SIK3: variants seen among roughly 807,000 people sequenced by gnomAD.
SIK3 encodes SIK family kinase 3, also known as serine/threonine-protein kinase SIK3.
SIK3 carries 28 observed loss-of-function variants against 144.2 expected under a neutral mutation model. The observed-to-expected ratio is 0.19, with a 90% CI of 0.14 to 0.27. The LOEUF (loss-of-function observed/expected upper bound fraction) is 0.27, where lower values mean the gene tolerates loss of function less well. SIK3 is among the 10% of genes least tolerant of loss of function. SIK3 has a pLI of 1.00. For missense variants in SIK3, 1,319 were observed against 1,776.0 expected (o/e 0.74, Z 4.62); for synonymous variants, 686 against 676.3 (o/e 1.01, Z -0.22).
chr11:116,853,329 C>A (rs1162258376), intron 21 of SIK3, among the ~76,000 whole-genome samples: 1 of 152,164 alleles, frequency 6.6e-6, no homozygotes, highest in African/African-American at 2.4e-5. Flanking sequence ...CATTCAGGAT[C>A]AAATCTTTGG....
At chr11:116,956,592 AAATTC>A (rs1001450120) in intron 2 of SIK3, among the ~76,000 whole-genome samples, 9 of 152,296 alleles carry the variant, frequency 5.9e-5, no homozygotes, top group African/African-American at 2.2e-4. Context: ...TCACCTCTCT[AAATTC>A]TCTTCTTTTT....
rs532042983 is a variant in SIK3 at position 116,871,408 on chromosome 11, G to A, written c.1738-1007C>T. ...GAACAGGGTGAGGCAGGAAGTGGCT[G>A]TAGATGAGGCAGGAGAGGAACGCTG... On this transcript the variant is annotated intron_variant, in intron 13 of 24. Coordinates refer to ENST00000445177, the MANE Select transcript of SIK3 (RefSeq NM_001366686.3). Among the ~76,000 whole-genome samples the A allele has an allele frequency of 3.9e-5, 6 of 152,376 alleles. No individual in the cohort carries two copies. The East Asian group carries it at 1.2e-3, about 29-fold the overall frequency.
intron 6 of SIK3, among the ~76,000 whole-genome samples, chr11:116,889,106 C>T (rs1306310610): frequency 6.6e-6 from 1 of 152,172 alleles, no homozygotes; most frequent in Non-Finnish European, 1.5e-5. Flanking sequence ...AAAACAAACA[C>T]TAAATTTGAA....
chr11:116,871,430 G>A (rs954033383), intron 13 of SIK3, among the ~76,000 whole-genome samples: 7 of 152,362 alleles, frequency 4.6e-5, no homozygotes, highest in Admixed American at 2.6e-4. Context: ...GGAGAGGAAC[G>A]CTGTGGCCAG....
intron 4 of SIK3, among the ~76,000 whole-genome samples, chr11:116,905,276 A>G (rs960065689): frequency 6.6e-6 from 1 of 152,246 alleles, no homozygotes; most frequent in Non-Finnish European, 1.5e-5. Flanking sequence ...GTTGTTGCCT[A>G]TGTCAGCACT....
chr11:116,890,707 AT>A (rs950412714), intron 6 of SIK3, among the ~76,000 whole-genome samples: 4 of 152,072 alleles, frequency 2.6e-5, no homozygotes, highest in African/African-American at 9.7e-5. Flanking sequence ...ATCCAATCTA[AT>A]TTTTTTTATT....
chr11:116,902,493 G>A (rs1945789289), intron 4 of SIK3, among the ~76,000 whole-genome samples: 2 of 152,168 alleles, frequency 1.3e-5, no homozygotes, highest in South Asian at 4.1e-4. Flanking sequence ...ATGAGTGTAT[G>A]AGAATGAATG....
chr11:117,088,387 C>A (rs925896594), intron 1 of SIK3, among the ~76,000 whole-genome samples: 1 of 152,128 alleles, frequency 6.6e-6, no homozygotes, highest in African/African-American at 2.4e-5. Context: ...TCTCCTTACT[C>A]GGAGATTTGT....
chr11:117,085,608 C>T (rs943129010), intron 1 of SIK3, among the ~76,000 whole-genome samples: 5 of 152,110 alleles, frequency 3.3e-5, no homozygotes, highest in Non-Finnish European at 7.4e-5. Context: ...TTAAACTAGG[C>T]GACAGGCACA....
intron 21 of SIK3, among the ~76,000 whole-genome samples, chr11:116,856,282 G>A (rs1942925183): frequency 6.6e-6 from 1 of 151,786 alleles, no homozygotes; most frequent in Non-Finnish European, 1.5e-5. Context: ...TCCATTTGCA[G>A]GGGAATCTTT....
In SIK3 at chr11:116,930,147, G is replaced by A. The variant is rs1380444934; in HGVS notation, c.455-2767C>T. The stretch of plus-strand genomic sequence containing the variant: ...CCTAGCCATTGTGTTTAGGGTTCAA[G>A]TTTTCTTCTCTTTGGGAGCACTGTG... On this transcript the variant is annotated intron_variant, in intron 3 of 24. Coordinates refer to ENST00000445177, the MANE Select transcript of SIK3 (RefSeq NM_001366686.3). Among the ~76,000 whole-genome samples, 5 of 151,868 alleles carry A rather than the reference G, an allele frequency of 3.3e-5. No individual in the cohort carries two copies. In the East Asian group the frequency reaches 9.7e-4, roughly 29 times the overall value.
Position 116,873,485 on chromosome 11 carries a change from G to A in SIK3, c.1733C>T (p.Thr578Ile). 1 of 1,614,168 alleles carries A rather than the reference G, an allele frequency of 6.2e-7. No individual in the cohort carries two copies. Among genetic ancestry groups the A allele is most frequent in the Admixed American group, 1.7e-5 (1 of 60,026 alleles). Reference protein sequence around the residue: ...PRGPSPLVTMTPAVPAVTPVD... With the variant: ...PRGPSPLVTMIPAVPAVTPVD... ...GGGCTCTGTGCTGCTACTCACTGGTGTCATGGTGACAAGCGGAGAGGGTCC... is the reference window on the plus strand; with the variant it reads ...GGGCTCTGTGCTGCTACTCACTGGTATCATGGTGACAAGCGGAGAGGGTCC... Residue 578 changes from threonine (T) to isoleucine (I), a missense_variant, in exon 13 of 25, where the codon ACA (threonine) becomes ATA (isoleucine). By Grantham distance (89) the Thr-to-Ile change is moderately conservative. Around this residue, in one of 8 missense-constraint regions of SIK3, gnomAD observed 167 missense variants for 263.3 expected, o/e 0.63. Transcript: ENST00000445177.
chr11:116,881,521 T>A (rs1419469278), intron 6 of SIK3, among the ~76,000 whole-genome samples: 2 of 152,162 alleles, frequency 1.3e-5, no homozygotes, highest in African/African-American at 4.8e-5. Flanking sequence ...TGAGTCCGTA[T>A]CTGTGAAAGC....
intron 1 of SIK3, among the ~76,000 whole-genome samples, chr11:116,985,294 A>G (rs1314550443): frequency 2.0e-5 from 3 of 152,224 alleles, no homozygotes; most frequent in African/African-American, 4.8e-5. Flanking sequence ...GCAAAGTTAC[A>G]TTCTCTATGA....
intron 1 of SIK3, among the ~76,000 whole-genome samples, chr11:117,082,613 G>A (rs1954837144): frequency 6.6e-6 from 1 of 152,162 alleles, no homozygotes; most frequent in South Asian, 2.1e-4. Context: ...GCTTAGGGCT[G>A]AGAAGAGAGG....
At chr11:116,938,360 AGG>A (rs1948054934) in intron 3 of SIK3, among the ~76,000 whole-genome samples, 1 of 3,838 alleles carries the variant, frequency 2.6e-4, no homozygotes, top group Non-Finnish European at 4.4e-4. Flanking sequence ...AGGGGAGGGG[AGG>A]GGAGGGGAGG....
At chr11:116,917,733 AAG>A (rs146697165) in intron 4 of SIK3, among the ~76,000 whole-genome samples, 73 of 147,350 alleles carry the variant, frequency 5.0e-4, no homozygotes, top group Admixed American at 1.5e-3. Context: ...GAGGAAGGGA[AAG>A]AGAGAGAGAG....
At chr11:116,904,205 C>A (rs1040323119) in intron 4 of SIK3, among the ~76,000 whole-genome samples, 1 of 152,094 alleles carries the variant, frequency 6.6e-6, no homozygotes, top group Non-Finnish European at 1.5e-5. Flanking sequence ...GGTTGAATGG[C>A]CAGGATCTGG....
chr11:117,012,443 G>A (rs1034322598), intron 1 of SIK3, among the ~76,000 whole-genome samples: 6 of 152,120 alleles, frequency 3.9e-5, no homozygotes, highest in African/African-American at 1.4e-4. Context: ...TTCCAAAGCT[G>A]TATTTGACCT....
Sources: gnomAD v4.1 joint callset for allele counts (sites outside exome capture counted in the v4.1 genomes callset) on GRCh38, gnomAD v4.1.1 for gene constraint, gnomAD v4.1.1 regional missense constraint, MANE v1.5 for transcripts, NCBI Gene and HGNC (gene_info 2026-07-23, HGNC 2026-07-21) for gene names.